NOTCH1: variants seen among roughly 807,000 people sequenced by gnomAD.
The protein encoded by NOTCH1 is neurogenic locus notch homolog protein 1.
A neutral mutation model predicts 254.8 loss-of-function variants in NOTCH1; 37 were observed. The ratio of observed to expected loss-of-function variants is 0.15; its 90% CI spans 0.11 to 0.19. NOTCH1 has a LOEUF of 0.19. Among genes scored for constraint, NOTCH1 ranks in the 10% least tolerant of loss-of-function variants. NOTCH1 has a pLI of 1.00. For missense variants in NOTCH1, 2,972 were observed against 3,708.6 expected (o/e 0.80, Z 5.16); for synonymous variants, 1,731 against 1,618.1 (o/e 1.07, Z -1.68).
chr9:136,519,205 G>A (rs1843327524), intron 5 of NOTCH1, among the ~76,000 whole-genome samples: 1 of 152,236 alleles, frequency 6.6e-6, no homozygotes, highest in Non-Finnish European at 1.5e-5. Flanking sequence ...GAGCCAGGTT[G>A]CAAACGGCCC....
In NOTCH1 at chr9:136,517,916, G is replaced by A. The variant is rs528033027; in HGVS notation, c.1277C>T (p.Ala426Val). 13 of 1,611,288 alleles carry A rather than the reference G, an allele frequency of 8.1e-6. No individual in the cohort carries two copies. Among genetic ancestry groups the A allele is most frequent in the South Asian group, 1.1e-5 (1 of 91,080 alleles). The change falls in exon 8 of 34, where the codon GCG becomes GTG. Residue 426 changes from alanine to valine, a missense_variant. Ala to Val is a moderately conservative substitution (Grantham distance 64). Around this residue, in one of 8 missense-constraint regions of NOTCH1, gnomAD observed 90 missense variants for 183.6 expected, o/e 0.49. Coordinates refer to ENST00000651671, the MANE Select transcript of NOTCH1 (RefSeq NM_017617.5). ...GCCCAGCGTGTTGATGCACTTGCCC[G>A]CATGCTCGCAGGGGTTGGCACCTGG... Reference protein sequence around the residue: ...CSLGANPCEHAGKCINTLGSF... With the variant: ...CSLGANPCEHVGKCINTLGSF...
In NOTCH1 at chr9:136,526,046, G is replaced by A. The variant is rs995465721; in HGVS notation, c.141-2067C>T. On this transcript the variant is annotated intron_variant, in intron 2 of 33. Transcript: ENST00000651671. ...GCTCCTGCCAGCCCAGTGAGCGACG[G>A]GCACAGCCCCGGAATGAGGCTCCCC... 7.9e-5 allele frequency among the ~76,000 whole-genome samples: 12 copies of A among 152,370 alleles called. 1 individual carries two copies. The highest frequency in any genetic ancestry group is 4.1e-4 in the South Asian group (2 of 4,830).
rs1016234114 is a variant in NOTCH1, at chr9:136,513,631, G to A, written c.2208-94C>T. ...GGTCTGCAATGCCCTATGGGCTGGC[G>A]GAGGTGCCCATCCACTCAGACTCGC... On this transcript the variant is annotated intron_variant, in intron 13 of 33. Coordinates refer to ENST00000651671, the MANE Select transcript of NOTCH1 (RefSeq NM_017617.5). This position sits in a 1 kb window ranked among gnomAD's most constrained non-coding sequence, Gnocchi z 4.7. The A allele has an allele frequency of 2.7e-5, 39 of 1,422,512 alleles. No homozygotes were observed. Among genetic ancestry groups the A allele is most frequent in the South Asian group, 1.1e-4 (9 of 84,258 alleles). 88.1% of individuals were successfully genotyped at this position (1,422,512 alleles called of 1,614,324 possible). A position where few individuals can be genotyped will look rare whatever the true frequency, so the allele number is the denominator to read the frequency against.
intron 4 of NOTCH1, chr9:136,522,568 T>C (rs1306773768): frequency 2.1e-6 from 1 of 475,464 alleles, no homozygotes; most frequent in Non-Finnish European, 3.7e-6. Flanking sequence ...GTGCCTGCAC[T>C]GGGGGGAGGC....
At position 136,511,230 on chromosome 9, in the gene NOTCH1, G is replaced by A. The variant is rs1843176956; in HGVS notation, c.2509C>T (p.Pro837Ser). 3.1e-6 allele frequency: 5 copies of A among 1,612,728 alleles called. No homozygotes were observed. The highest frequency in any genetic ancestry group is 3.4e-6 in the Non-Finnish European group (4 of 1,179,976). ...CTGCACTCCCCGCCGTTTCTGCAGG[G>A]GCTGGGGGCACACGGGGCCAGCACC... is the stretch of plus-strand genomic sequence containing the variant. Reference protein sequence around the residue: ...EVVLAPCAPSPCRNGGECRQS... With the variant: ...EVVLAPCAPSSCRNGGECRQS... The change falls in exon 16 of 34, where the codon CCC (proline) becomes TCC (serine). Residue 837 changes from proline (P) to serine (S), a missense_variant. By Grantham distance (74) the Pro-to-Ser change is moderately conservative. Transcript: ENST00000651671.
chr9:136,543,513 G>T, intron 2 of NOTCH1: 1 of 285,846 alleles, frequency 3.5e-6, no homozygotes, highest in Non-Finnish European at 6.7e-6. Context: ...GGCATCACCC[G>T]CCCAGGAGGT....
At chr9:136,543,102 A>C (rs1843755899) in intron 2 of NOTCH1, 1 of 156,578 alleles carries the variant, frequency 6.4e-6, no homozygotes, top group South Asian at 1.6e-4. Context: ...CCCACGCCAA[A>C]ACATGAGTTC....
rs958821205 is a variant in NOTCH1 at position 136,523,294 on chromosome 9, G to T, written c.404-106C>A. ...AGGTGCCAGCCTGGGCTCCACCTTAGGTGCTATCACATTTGATCCTCAGGA... is the reference window on the plus strand; with the variant it reads ...AGGTGCCAGCCTGGGCTCCACCTTATGTGCTATCACATTTGATCCTCAGGA... On this transcript the variant is annotated intron_variant, in intron 3 of 33. Transcript: ENST00000651671. 6 of 1,159,588 alleles carry T rather than the reference G, an allele frequency of 5.2e-6. No homozygotes were observed. In the African/African-American group the frequency reaches 9.1e-5, roughly 18 times the overall value. The allele number at this position is 1,159,588 out of a possible 1,614,324, so 71.8% of individuals were successfully genotyped here. A position where few individuals can be genotyped will look rare whatever the true frequency, so the allele number is the denominator to read the frequency against.
Position 136,545,948 on chromosome 9 carries a change from G to A in NOTCH1, c.-162C>T, listed in dbSNP as rs1843810269. The stretch of plus-strand genomic sequence containing the variant: ...GCGCTGTGCTCTCGCAGGCCCCCGG[G>A]CCCGGCTCCGCGCCCGGCTCGTTCC... On this transcript the variant is annotated 5_prime_UTR_variant, in exon 1 of 34. Coordinates refer to ENST00000651671, the MANE Select transcript of NOTCH1 (RefSeq NM_017617.5). This position sits in a 1 kb window ranked among gnomAD's most constrained non-coding sequence, Gnocchi z 6.8. Among the ~76,000 whole-genome samples, 2 of 147,874 alleles carry A rather than the reference G, an allele frequency of 1.4e-5. No homozygotes were observed. Among genetic ancestry groups the A allele is most frequent in the South Asian group, 4.2e-4 (2 of 4,814 alleles).
chr9:136,541,535 AAC>A (rs1488754141), intron 2 of NOTCH1, among the ~76,000 whole-genome samples: 3 of 152,204 alleles, frequency 2.0e-5, no homozygotes, highest in African/African-American at 4.8e-5. Context: ...TCTTTCGAGA[AAC>A]AGTGTGGGTT....
intron 2 of NOTCH1, among the ~76,000 whole-genome samples, chr9:136,528,402 T>G (rs1843504440): frequency 2.2e-4 from 2 of 8,918 alleles, no homozygotes; most frequent in African/African-American, 9.5e-4. Flanking sequence ...TGGGGGGGGA[T>G]GGGCAGGGAC....
chr9:136,543,951 T>TC, intron 2 of NOTCH1, 73 bp downstream of exon 2: 1 of 1,357,658 alleles, frequency 7.4e-7, no homozygotes, highest in Admixed American at 2.0e-5. Flanking sequence ...TAGTGTTCTG[T>TC]CCCCTGCGCG....
Position 136,531,282 on chromosome 9 carries a change from G to A in NOTCH1, c.141-7303C>T, listed in dbSNP as rs533069798. Among the ~76,000 whole-genome samples the A allele has an allele frequency of 2.0e-5, 3 of 152,368 alleles. No individual in the cohort carries two copies. The South Asian group carries it at 6.2e-4, about 32-fold the overall frequency. On this transcript the variant is annotated intron_variant, in intron 2 of 33. Transcript: ENST00000651671. ...TGTAATGGGCCCATTTCACAGGTGA[G>A]AAAACGGGGCAGCTATGCCCAGCAC...
intron 4 of NOTCH1, among the ~76,000 whole-genome samples, chr9:136,520,007 C>T (rs1026358424): frequency 2.6e-5 from 4 of 152,100 alleles, no homozygotes; most frequent in Non-Finnish European, 4.4e-5. Context: ...AGGGTGGGCC[C>T]CTCGCAGCCC....
chr9:136,512,585 G>A (rs1843198328), intron 15 of NOTCH1, among the ~76,000 whole-genome samples: 1 of 152,202 alleles, frequency 6.6e-6, no homozygotes, highest in East Asian at 1.9e-4. Flanking sequence ...GGTCCGGCTG[G>A]CGGGGGTGGG....
At chr9:136,515,220 C>T (rs1195031822) in intron 12 of NOTCH1, 70 bp downstream of exon 12, 1 of 1,461,998 alleles carries the variant, frequency 6.8e-7, no homozygotes, top group African/African-American at 1.4e-5. Context: ...CCTCAGCAGC[C>T]CCAGGGCAGA....
chr9:136,505,921 A>ACCCCCCG (rs1434860608), intron 24 of NOTCH1, 40 bp from the exon 25 acceptor site: 20 of 1,489,500 alleles, frequency 1.3e-5, no homozygotes, highest in Middle Eastern at 2.3e-4. Context: ...GGGGTGGGCC[A>ACCCCCCG]CCCCCCGCCC....
intron 2 of NOTCH1, among the ~76,000 whole-genome samples, chr9:136,536,506 G>A (rs1362147789): frequency 1.3e-5 from 2 of 152,196 alleles, no homozygotes; most frequent in Non-Finnish European, 2.9e-5. Flanking sequence ...AGGCAGACTG[G>A]GCGGGTGGGG....
Position 136,508,087 on chromosome 9 carries a change from G to A in NOTCH1, c.3378C>T (p.Gly1126=). ...CCTGGCAGCGGCAGTGGTGCGTGTT[G>A]CCCGCGTCCACACAGAGCCCTCCAT... ...CQHGGLCVDA[G]NTHHCRCQAG... The change falls in exon 21 of 34, where the codon GGC becomes GGT. Residue 1126 remains glycine (G), a synonymous_variant. Transcript: ENST00000651671. 6.2e-7 allele frequency: 1 copy of A among 1,609,654 alleles called. No homozygotes were observed. The highest frequency in any genetic ancestry group is 8.5e-7 in the Non-Finnish European group (1 of 1,179,958).
Sources: gnomAD v4.1 joint callset for allele counts (sites outside exome capture counted in the v4.1 genomes callset) on GRCh38, gnomAD v4.1.1 for gene constraint, gnomAD v4.1.1 regional missense constraint, Gnocchi (gnomAD v3.1) non-coding constraint, MANE v1.5 for transcripts, NCBI Gene and HGNC (gene_info 2026-07-23, HGNC 2026-07-21) for gene names.